The following FAM120B variants were observed in gnomAD, a reference collection of about 807,000 sequenced individuals.
FAM120B encodes the protein family with sequence similarity 120 member B.
In FAM120B, 83 loss-of-function variants were observed where a neutral mutation model predicts 96.3. The ratio of observed to expected loss-of-function variants is 0.86; its 90% confidence interval spans 0.72 to 1.03. The LOEUF (loss-of-function observed/expected upper bound fraction) is 1.03, where lower values mean the gene tolerates loss of function less well. Ranked by LOEUF, FAM120B falls within the 50% of genes least tolerant of loss-of-function variation. The pLI, the probability that FAM120B is intolerant of heterozygous loss-of-function variation, is 0.00. For synonymous variants in FAM120B, 407 were observed against 402.7 expected (o/e 1.01, Z -0.13); for missense variants, 1,027 against 1,121.2 (o/e 0.92, Z 1.20).
At chr6:170,337,635 A>T (rs1299473083) in intron 4 of FAM120B, among the ~76,000 whole-genome samples, 1 of 152,226 alleles carries the variant, frequency 6.6e-6, no homozygotes, top group Non-Finnish European at 1.5e-5. Context: ...CTCTGGTAGA[A>T]TTCGACTGTG....
intron 9 of FAM120B, among the ~76,000 whole-genome samples, chr6:170,396,030 A>G (rs768262946): frequency 5.0e-4 from 76 of 152,236 alleles, no homozygotes; most frequent in Non-Finnish European, 7.5e-4. Context: ...CATATGTTGT[A>G]CAGATGCTGT....
intron 9 of FAM120B, among the ~76,000 whole-genome samples, chr6:170,400,401 C>G (rs1778498405): frequency 1.3e-5 from 2 of 152,132 alleles, no homozygotes; most frequent in South Asian, 2.1e-4. Flanking sequence ...GGTACTGACT[C>G]CTCTGGGAAT....
At chr6:170,312,012 T>C (rs535563007) in intron 1 of FAM120B, among the ~76,000 whole-genome samples, 79 of 152,332 alleles carry the variant, frequency 5.2e-4, no homozygotes, top group African/African-American at 1.9e-3. Flanking sequence ...CCAGGTGTTC[T>C]CCAGCAGAGT....
intron 3 of FAM120B, among the ~76,000 whole-genome samples, 172 bp from the exon 4 acceptor site, chr6:170,330,277 C>T (rs1387003533): frequency 6.6e-6 from 1 of 152,140 alleles, no homozygotes. Context: ...AACAGATTAC[C>T]CTCAGATTGG....
At chr6:170,399,368 G>A (rs76789637) in intron 9 of FAM120B, among the ~76,000 whole-genome samples, 667 of 92,044 alleles carry the variant, frequency 7.2e-3, no homozygotes, top group East Asian at 0.048. Context: ...AGTGAGTGGG[G>A]AAGGTAGAAC....
intron 3 of FAM120B, among the ~76,000 whole-genome samples, chr6:170,325,578 C>T (rs999685683): frequency 4.0e-5 from 6 of 151,150 alleles, no homozygotes; most frequent in South Asian, 2.1e-4. Flanking sequence ...CGGTAGCTCA[C>T]GCCTGTAATC....
intron 3 of FAM120B, among the ~76,000 whole-genome samples, chr6:170,324,064 A>G (rs1460952576): frequency 1.3e-5 from 2 of 152,172 alleles, no homozygotes; most frequent in African/African-American, 4.8e-5. Context: ...TAAGAGAGAG[A>G]AGGAGTAGGA....
chr6:170,293,728 TCTC>T (rs1448377877), upstream of FAM120B, among the ~76,000 whole-genome samples: 1 of 150,772 alleles, frequency 6.6e-6, no homozygotes, highest in East Asian at 2.0e-4. Context: ...TCTTCTTCCT[TCTC>T]CTCCTTCTTC....
At chr6:170,366,139 A>G (rs1051104910) in intron 6 of FAM120B, among the ~76,000 whole-genome samples, 3 of 152,206 alleles carry the variant, frequency 2.0e-5, no homozygotes, top group Non-Finnish European at 4.4e-5. Flanking sequence ...CTCTCAAGAT[A>G]TAATACAAGT....
At position 170,317,740 on chromosome 6, in the gene FAM120B, A is replaced by G; in HGVS notation, c.350A>G (p.His117Arg). 3 of 1,614,172 alleles carry G rather than the reference A, an allele frequency of 1.9e-6. No individual in the cohort carries two copies. The highest frequency in any genetic ancestry group is 2.5e-6 in the Non-Finnish European group (3 of 1,179,986). ...KNNREISRIF[H>R]YIKSHKEQPG... is the part of the protein sequence containing the mutation. The stretch of plus-strand genomic sequence containing the variant: ...AACAGGGAGATATCCAGGATTTTTC[A>G]TTACATCAAGTCACACAAGGAGCAG... Residue 117 changes from histidine (H) to arginine (R), a missense_variant, in exon 2 of 11, where the codon CAT becomes CGT. Coordinates refer to ENST00000476287, the MANE Select transcript of FAM120B (RefSeq NM_032448.3).
intron 5 of FAM120B, among the ~76,000 whole-genome samples, chr6:170,355,721 T>TA (rs1787876833): frequency 1.3e-5 from 2 of 152,152 alleles, no homozygotes; most frequent in African/African-American, 4.8e-5. Context: ...CCCCCAAACT[T>TA]AAACTTTGGA....
intron 4 of FAM120B, among the ~76,000 whole-genome samples, chr6:170,339,750 G>C (rs1381295613): frequency 8.2e-5 from 12 of 146,358 alleles, no homozygotes. Flanking sequence ...CTGCACTCCA[G>C]CCTGGATGAC....
At chr6:170,393,385 G>T (rs1386678487) in intron 8 of FAM120B, among the ~76,000 whole-genome samples, 1 of 152,166 alleles carries the variant, frequency 6.6e-6, no homozygotes, top group African/African-American at 2.4e-5. Flanking sequence ...TGACCTGTTA[G>T]TCTAATGCAG....
At chr6:170,312,233 C>T (rs1784636998) in intron 1 of FAM120B, among the ~76,000 whole-genome samples, 1 of 152,062 alleles carries the variant, frequency 6.6e-6, no homozygotes, top group African/African-American at 2.4e-5. Flanking sequence ...GAATTTTCTG[C>T]AAATGGTTCG....
intron 6 of FAM120B, 111 bp downstream of exon 6, chr6:170,358,429 G>T: frequency 7.4e-6 from 6 of 806,974 alleles, no homozygotes; most frequent in Non-Finnish European, 1.2e-5. Flanking sequence ...AGGTATTTTA[G>T]TCAGGATCTT....
At chr6:170,310,767 A>G (rs1452617444) in intron 1 of FAM120B, among the ~76,000 whole-genome samples, 2 of 152,174 alleles carry the variant, frequency 1.3e-5, no homozygotes, top group Non-Finnish European at 2.9e-5. Context: ...GTACATTTTG[A>G]TATATGTGTT....
chr6:170,344,892 G>A (rs1787076891), intron 4 of FAM120B, among the ~76,000 whole-genome samples: 3 of 151,986 alleles, frequency 2.0e-5, no homozygotes, highest in East Asian at 1.9e-4. Context: ...TTCTTCTCTC[G>A]TCTTTGTTCA....
chr6:170,389,862 CT>C (rs1047346849), intron 7 of FAM120B, among the ~76,000 whole-genome samples: 1 of 152,074 alleles, frequency 6.6e-6, no homozygotes, highest in African/African-American at 2.4e-5. Flanking sequence ...CGACCAGCCC[CT>C]CTCCCTATTT....
At chr6:170,345,270 AT>A (rs1255708449) in intron 4 of FAM120B, among the ~76,000 whole-genome samples, 1 of 152,128 alleles carries the variant, frequency 6.6e-6, no homozygotes, top group Non-Finnish European at 1.5e-5. Flanking sequence ...AAATTTATTA[AT>A]GCCCTGCCCC....
Sources: allele counts gnomAD v4.1 joint callset (sites outside exome capture counted in the v4.1 genomes callset), GRCh38; gene constraint gnomAD v4.1.1; transcripts MANE v1.5; gene names NCBI Gene and HGNC (gene_info 2026-07-23, HGNC 2026-07-21).